The following ZMYND8 variants were observed in gnomAD, a reference collection of about 807,000 sequenced individuals.
ZMYND8 encodes the protein MYND-type zinc finger-containing chromatin reader ZMYND8.
ZMYND8 carries 37 observed loss-of-function variants against 140.8 expected under a neutral mutation model. The observed-to-expected ratio is 0.26, with a 90% CI of 0.20 to 0.35. ZMYND8 has a LOEUF of 0.35. ZMYND8 is among the 10% of genes least tolerant of loss of function. ZMYND8 has a pLI of 1.00. For synonymous variants in ZMYND8, 592 were observed against 597.1 expected, an observed-to-expected ratio of 0.99 and a Z score of 0.12; for missense variants, 1,068 against 1,570.0, an observed-to-expected ratio of 0.68 and a Z score of 5.40.
chr20:47,226,151 T>TA (rs3092455), intron 18 of ZMYND8, among the ~76,000 whole-genome samples: 39,796 of 132,086 alleles, frequency 0.3, 7,663 homozygotes, highest in African/African-American at 0.56. Context: ...GACTCTGTCT[T>TA]AAAAAAAAAA....
intron 7 of ZMYND8, among the ~76,000 whole-genome samples, chr20:47,289,048 G>A (rs1376739093): frequency 6.6e-6 from 1 of 152,180 alleles, no homozygotes; most frequent in Non-Finnish European, 1.5e-5. Context: ...GTTTCAGTGA[G>A]CTGAGATCAC....
At position 47,255,755 on chromosome 20, in the gene ZMYND8, TATATATATAC is replaced by T. The variant is rs1254360976; in HGVS notation, c.1622-6326_1622-6317del. Reference sequence around the variant, plus strand: ...ATATATATATATATATATATATATATATATATATACGGTATATATATATATTTGTATGTGT... The same window carrying T: ...ATATATATATATATATATATATATATGGTATATATATATATTTGTATGTGT... On this transcript the variant is annotated intron_variant, in intron 12 of 22. Transcript: ENST00000471951. Among the ~76,000 whole-genome samples, 37 of 108,736 alleles carry T rather than the reference TATATATATAC, an allele frequency of 3.4e-4. 2 individuals are homozygous for T. The highest frequency in any genetic ancestry group is 1.7e-3 in the African/African-American group (36 of 20,730). The allele number at this position is 108,736 out of a possible 152,430, so 71.3% of individuals were successfully genotyped here.
intron 11 of ZMYND8, among the ~76,000 whole-genome samples, chr20:47,267,399 G>A (rs924957711): frequency 1.3e-5 from 2 of 148,464 alleles, no homozygotes; most frequent in African/African-American, 5.0e-5. Context: ...TGTTCAAAAT[G>A]GTAAATTTTA....
chr20:47,247,202 T>C (rs2040664642), intron 13 of ZMYND8, among the ~76,000 whole-genome samples: 2 of 152,196 alleles, frequency 1.3e-5, no homozygotes, highest in Non-Finnish European at 2.9e-5. Flanking sequence ...AAATTTCATA[T>C]AGAAATCAAA....
chr20:47,217,613 G>C (rs1438520498), intron 21 of ZMYND8, among the ~76,000 whole-genome samples: 1 of 134,654 alleles, frequency 7.4e-6, no homozygotes, highest in Non-Finnish European at 1.7e-5. Flanking sequence ...AGTCTGGAGA[G>C]ATCTGAACTG....
chr20:47,235,148 T>C (rs907446940), intron 16 of ZMYND8, among the ~76,000 whole-genome samples: 2 of 152,264 alleles, frequency 1.3e-5, no homozygotes, highest in African/African-American at 4.8e-5. Flanking sequence ...TCAATAGCTA[T>C]TATTAAGTTA....
At chr20:47,263,867 G>C (rs1236004681) in intron 11 of ZMYND8, among the ~76,000 whole-genome samples, 1 of 152,236 alleles carries the variant, frequency 6.6e-6, no homozygotes, top group Non-Finnish European at 1.5e-5. Context: ...TGCTATTAGA[G>C]TGGTTTTATT....
chr20:47,236,536 TG>T lies in ZMYND8; in HGVS notation c.2666-21del. ...GGACAGCTAGGAAGGCAAAGCATCC[TG>T]ATTACCCCACGTGGGAAGGACCCAT... On this transcript the variant is annotated intron_variant, in intron 15 of 22. Coordinates refer to ENST00000471951, the MANE Select transcript of ZMYND8 (RefSeq NM_001281775.3). 3 of 1,539,926 alleles carry T rather than the reference TG, an allele frequency of 1.9e-6. No homozygotes were observed. Among genetic ancestry groups the T allele is most frequent in the Non-Finnish European group, 2.6e-6 (3 of 1,142,938 alleles).
At chr20:47,286,813 C>T (rs2076952943) in intron 8 of ZMYND8, among the ~76,000 whole-genome samples, 1 of 152,164 alleles carries the variant, frequency 6.6e-6, no homozygotes, top group African/African-American at 2.4e-5. Context: ...CTCCTGGACA[C>T]CTGGGCCACT....
At chr20:47,215,131 G>T (rs980577545) in intron 21 of ZMYND8, among the ~76,000 whole-genome samples, 4 of 152,184 alleles carry the variant, frequency 2.6e-5, no homozygotes, top group Non-Finnish European at 4.4e-5. Flanking sequence ...CAAGCAGTCT[G>T]GGAGGCCGAG....
chr20:47,252,361 C>G (rs912756506), intron 12 of ZMYND8, among the ~76,000 whole-genome samples: 1 of 149,922 alleles, frequency 6.7e-6, no homozygotes, highest in Non-Finnish European at 1.5e-5. Context: ...GACTTAACAG[C>G]TGAGTTGCAT....
chr20:47,283,821 G>A (rs2076756760), intron 8 of ZMYND8, among the ~76,000 whole-genome samples, 173 bp from the exon 9 acceptor site: 1 of 152,110 alleles, frequency 6.6e-6, no homozygotes, highest in Admixed American at 6.6e-5. Flanking sequence ...CCCAGTCCAA[G>A]CCACCGTCCT....
intron 2 of ZMYND8, among the ~76,000 whole-genome samples, chr20:47,312,667 A>G (rs6018407): frequency 1.2e-4 from 18 of 152,122 alleles, no homozygotes; most frequent in Non-Finnish European, 2.6e-4. Context: ...GCGCACACCC[A>G]TAATCCCAGC....
intron 11 of ZMYND8, among the ~76,000 whole-genome samples, chr20:47,265,523 C>T (rs1426916636): frequency 6.6e-6 from 1 of 152,230 alleles, no homozygotes; most frequent in East Asian, 1.9e-4. Flanking sequence ...TCACTGCAAC[C>T]TCTGCCTGCC....
At chr20:47,260,867 A>G (rs1183079785) in intron 12 of ZMYND8, among the ~76,000 whole-genome samples, 1 of 152,230 alleles carries the variant, frequency 6.6e-6, no homozygotes, top group Admixed American at 6.5e-5. Context: ...AGAATAGTGC[A>G]CAGCACATAA....
intron 11 of ZMYND8, among the ~76,000 whole-genome samples, chr20:47,267,979 CT>C (rs11476294): frequency 0.46 from 70,566 of 151,982 alleles, 16,501 homozygotes; most frequent in African/African-American, 0.52. Flanking sequence ...GGCCTACTGT[CT>C]TTCCTTTTGA....
chr20:47,234,091 C>G (rs1460914107), intron 16 of ZMYND8, among the ~76,000 whole-genome samples: 3 of 152,246 alleles, frequency 2.0e-5, no homozygotes, highest in Non-Finnish European at 4.4e-5. Context: ...CTTTGTAGCC[C>G]AGGCTGGAGT....
intron 11 of ZMYND8, 48 bp from the exon 12 acceptor site, chr20:47,262,476 T>C: frequency 6.2e-7 from 1 of 1,610,538 alleles, no homozygotes. Flanking sequence ...AATAAACAAG[T>C]AGAACGTGTA....
In ZMYND8 at chr20:47,212,659, T is replaced by C. The variant is rs200440163; in HGVS notation, c.3551A>G (p.Asn1184Ser). 138 of 1,613,806 alleles carry C rather than the reference T, an allele frequency of 8.6e-5. No homozygotes were observed. Among genetic ancestry groups the C allele is most frequent in the Admixed American group, 2.2e-4 (13 of 59,980 alleles). Residue 1184 changes from asparagine (N) to serine (S), a missense_variant, in exon 22 of 23, where the codon AAC (asparagine) becomes AGC (serine). Asn to Ser is a conservative substitution (Grantham distance 46, BLOSUM62 1). Around this residue, in one of 10 missense-constraint regions of ZMYND8, gnomAD observed 180 missense variants for 187.8 expected, o/e 0.96. Transcript: ENST00000471951. ...PTTTDHQPHP[N>S]YPAQKYHSRS... ...ATACTTACACTTCTGGGCGGGGTAGTTGGGGTGCGGCTGGTGGTCTGTGGT... is the reference window on the plus strand; with the variant it reads ...ATACTTACACTTCTGGGCGGGGTAGCTGGGGTGCGGCTGGTGGTCTGTGGT...
Sources: allele counts gnomAD v4.1 joint callset (sites outside exome capture counted in the v4.1 genomes callset), GRCh38; gene constraint gnomAD v4.1.1; regional missense constraint gnomAD v4.1.1; transcripts MANE v1.5; gene names NCBI Gene and HGNC (gene_info 2026-07-23, HGNC 2026-07-21).